The following PACS1 variants were observed in gnomAD, a reference collection of about 807,000 sequenced individuals.
PACS1 encodes phosphofurin acidic cluster sorting protein 1.
Under a neutral mutation model 115.0 loss-of-function variants are expected in PACS1, and 24 were observed. The ratio of observed to expected loss-of-function variants is 0.21; its 90% confidence interval spans 0.15 to 0.29. The LOEUF (loss-of-function observed/expected upper bound fraction) is 0.29, where lower values mean the gene tolerates loss of function less well. Among genes scored for constraint, PACS1 ranks in the 10% least tolerant of loss-of-function variants. PACS1 has a pLI of 1.00. For synonymous variants in PACS1, 453 were observed against 504.5 expected, an observed-to-expected ratio of 0.90 and a Z score of 1.37; for missense variants, 838 against 1,251.2, an observed-to-expected ratio of 0.67 and a Z score of 4.98.
intron 1 of PACS1, among the ~76,000 whole-genome samples, chr11:66,129,074 T>G (rs1858643356): frequency 6.6e-6 from 1 of 152,098 alleles, no homozygotes; most frequent in Non-Finnish European, 1.5e-5. Context: ...AACTGTTCAT[T>G]TAAATGTGTG....
chr11:66,161,996 CT>C (rs1359410105), intron 1 of PACS1, among the ~76,000 whole-genome samples: 1 of 151,850 alleles, frequency 6.6e-6, no homozygotes, highest in African/African-American at 2.4e-5. Context: ...CAAGTAACCC[CT>C]GGTACTTAGG....
chr11:66,141,480 C>A (rs1231610569), intron 1 of PACS1, among the ~76,000 whole-genome samples: 1 of 151,916 alleles, frequency 6.6e-6, no homozygotes, highest in African/African-American at 2.4e-5. Context: ...ATGGTAGAAC[C>A]CCATCTCTAC....
chr11:66,201,075 T>C (rs1243113132), intron 2 of PACS1, among the ~76,000 whole-genome samples: 1 of 151,992 alleles, frequency 6.6e-6, no homozygotes, highest in Non-Finnish European at 1.5e-5. Context: ...AAAAATTAGC[T>C]GGGCGTGGTG....
chr11:66,217,191 C>G (rs1235809066), intron 7 of PACS1: 1 of 282,510 alleles, frequency 3.5e-6, no homozygotes. Flanking sequence ...AGATAATAGG[C>G]TAGTCATGGG....
intron 1 of PACS1, among the ~76,000 whole-genome samples, chr11:66,135,898 C>T (rs1481011926): frequency 6.6e-6 from 1 of 152,078 alleles, no homozygotes; most frequent in Non-Finnish European, 1.5e-5. Context: ...CTCAAGTGAT[C>T]CACCCCACTT....
intron 7 of PACS1, chr11:66,217,257 C>CG (rs1158688771): frequency 3.3e-6 from 1 of 302,008 alleles, no homozygotes; most frequent in African/African-American, 2.2e-5. Context: ...ATCGTTCCTG[C>CG]CTTAACGGAT....
intron 7 of PACS1, among the ~76,000 whole-genome samples, chr11:66,219,165 T>C (rs549661930): frequency 2.6e-5 from 4 of 151,872 alleles, no homozygotes; most frequent in African/African-American, 9.7e-5. Flanking sequence ...CTGAAGGCTG[T>C]TGCTATGATC....
rs148409113 is a variant in PACS1 at position 66,109,282 on chromosome 11, C to T, written c.356+38440C>T. Among the ~76,000 whole-genome samples, 706 of 152,116 alleles carry T rather than the reference C, an allele frequency of 4.6e-3. 8 individuals carry two copies. The highest frequency in any genetic ancestry group is 0.014 in the African/African-American group (582 of 41,478). On this transcript the variant is annotated intron_variant, in intron 1 of 23. Transcript: ENST00000320580. ...GTTTCATTGAGAAGGTCGCATATGGCCAGGCGTGGTGGCTCACGCATGTAA... is the reference window on the plus strand; with the variant it reads ...GTTTCATTGAGAAGGTCGCATATGGTCAGGCGTGGTGGCTCACGCATGTAA...
At chr11:66,192,272 AGCCTGCT>A (rs1191300752) in intron 1 of PACS1, among the ~76,000 whole-genome samples, 1 of 152,214 alleles carries the variant, frequency 6.6e-6, no homozygotes, top group Non-Finnish European at 1.5e-5. Context: ...TGGAGAGGCA[AGCCTGCT>A]GCCTGCCCGC....
intron 2 of PACS1, among the ~76,000 whole-genome samples, chr11:66,202,742 A>AAAAT (rs1200930188): frequency 6.7e-4 from 48 of 71,564 alleles, no homozygotes; most frequent in Admixed American, 8.8e-4. Context: ...AAAAAAAAAA[A>AAAAT]ATATATATAT....
intron 1 of PACS1, among the ~76,000 whole-genome samples, chr11:66,159,607 G>C (rs1464402376): frequency 1.3e-5 from 2 of 152,116 alleles, no homozygotes; most frequent in South Asian, 2.1e-4. Flanking sequence ...TTCAGTTTTG[G>C]GGGTGGGGGA....
chr11:66,118,032 C>G (rs892927825), intron 1 of PACS1, among the ~76,000 whole-genome samples: 2 of 152,128 alleles, frequency 1.3e-5, no homozygotes, highest in Non-Finnish European at 2.9e-5. Context: ...TGTAGAACCC[C>G]AGGGTACCCT....
chr11:66,107,777 T>A (rs530137817), intron 1 of PACS1, among the ~76,000 whole-genome samples: 1 of 152,302 alleles, frequency 6.6e-6, no homozygotes, highest in South Asian at 2.1e-4. Flanking sequence ...GTGTTTTGAG[T>A]ACTAAGAACA....
In PACS1 at chr11:66,215,908, T is replaced by C. The variant is rs866920912; in HGVS notation, c.661-211T>C. On this transcript the variant is annotated intron_variant, in intron 4 of 23. Transcript: ENST00000320580. Reference sequence around the variant, plus strand: ...GTGAGAGACTCCGTCTCAAAAATAATAATAATAATAATAATAATAATAATA... The same window carrying C: ...GTGAGAGACTCCGTCTCAAAAATAACAATAATAATAATAATAATAATAATA... Among the ~76,000 whole-genome samples the C allele has an allele frequency of 8.1e-5, 8 of 99,372 alleles. No homozygotes were observed. The South Asian group carries it at 1.3e-3, about 16-fold the overall frequency. The allele number at this position is 99,372 out of a possible 152,430, so 65.2% of individuals were successfully genotyped here.
intron 1 of PACS1, among the ~76,000 whole-genome samples, chr11:66,181,307 G>T (rs545517857): frequency 2.0e-5 from 3 of 151,718 alleles, no homozygotes; most frequent in Admixed American, 1.3e-4. Context: ...CACCTCCCAG[G>T]GTTCAAACGA....
At chr11:66,138,791 T>A (rs1858908295) in intron 1 of PACS1, among the ~76,000 whole-genome samples, 1 of 152,076 alleles carries the variant, frequency 6.6e-6, no homozygotes, top group Non-Finnish European at 1.5e-5. Flanking sequence ...CAAGTGATTC[T>A]CCTGCCTCAG....
In PACS1 at chr11:66,232,995, T is replaced by C; in HGVS notation, c.1767T>C (p.Pro589=). 1.9e-6 allele frequency: 3 copies of C among 1,612,932 alleles called. No homozygotes were observed. The South Asian group carries it at 3.3e-5, about 18-fold the overall frequency. The change falls in exon 15 of 24, where the codon CCT becomes CCC. Residue 589 remains proline (P), a synonymous_variant. Coordinates refer to ENST00000320580, the MANE Select transcript of PACS1 (RefSeq NM_018026.4). ...VAELLQDQRK[P]VVCTCSTVEV... ...AGCTGCTCCAGGACCAGCGGAAGCC[T>C]GTGGTGTGCACCTGCTCCACCGTGG...
At chr11:66,204,563 A>G (rs894510162) in intron 2 of PACS1, among the ~76,000 whole-genome samples, 1 of 152,228 alleles carries the variant, frequency 6.6e-6, no homozygotes, top group Non-Finnish European at 1.5e-5. Context: ...GTGTCCATCA[A>G]CAGACAAACT....
chr11:66,210,675 C>G (rs544955110), intron 3 of PACS1, among the ~76,000 whole-genome samples: 1 of 152,328 alleles, frequency 6.6e-6, no homozygotes, highest in Admixed American at 6.5e-5. Flanking sequence ...GTGGCCCCTT[C>G]CCTTCCTCTG....
Sources: allele counts gnomAD v4.1 joint callset (sites outside exome capture counted in the v4.1 genomes callset), GRCh38; gene constraint gnomAD v4.1.1; transcripts MANE v1.5; gene names NCBI Gene and HGNC (gene_info 2026-07-23, HGNC 2026-07-21).